Variants in SNRPN observed in about 807,000 individuals in gnomAD.
SNRPN encodes the protein small nuclear ribonucleoprotein polypeptide N, also known as small nuclear ribonucleoprotein-associated protein N.
A neutral mutation model predicts 25.2 loss-of-function variants in SNRPN; 7 were observed. The observed-to-expected ratio is 0.28, with a 90% CI of 0.16 to 0.52. SNRPN has a LOEUF of 0.52. Among genes scored for constraint, SNRPN ranks in the 20% least tolerant of loss-of-function variants. SNRPN has a pLI of 0.96. For synonymous variants in SNRPN, 124 were observed against 110.6 expected (o/e 1.12, Z -0.76); for missense variants, 196 against 322.5 (o/e 0.61, Z 3.00).
chr15:24,898,911 A>T (rs1267909889), intron 2 of SNRPN, among the ~76,000 whole-genome samples: 1 of 152,134 alleles, frequency 6.6e-6, no homozygotes, highest in African/African-American at 2.4e-5. Flanking sequence ...TTTATTGGTG[A>T]TCAAACAAAG....
At chr15:24,900,687 A>G (rs903054799) in intron 2 of SNRPN, among the ~76,000 whole-genome samples, 1 of 152,174 alleles carries the variant, frequency 6.6e-6, no homozygotes, top group African/African-American at 2.4e-5. Flanking sequence ...ACTGTGACAT[A>G]TATTGGAAGA....
intron 2 of SNRPN, among the ~76,000 whole-genome samples, chr15:24,901,849 T>C (rs898145462): frequency 6.6e-6 from 1 of 152,098 alleles, no homozygotes; most frequent in Non-Finnish European, 1.5e-5. Flanking sequence ...ACAAGTGTAA[T>C]GAGGCGAGAA....
chr15:24,924,701 C>G (rs141762514), intron 3 of SNRPN, among the ~76,000 whole-genome samples: 164 of 151,744 alleles, frequency 1.1e-3, no homozygotes, highest in African/African-American at 3.8e-3. Context: ...GTTGCCTAGG[C>G]TGGTCTCCAA....
chr15:24,972,734 G>A (rs1267490009), intron 3 of SNRPN, among the ~76,000 whole-genome samples: 1 of 151,962 alleles, frequency 6.6e-6, no homozygotes, highest in Non-Finnish European at 1.5e-5. Flanking sequence ...ATATTTAATA[G>A]CATTTTATAA....
intron 3 of SNRPN, among the ~76,000 whole-genome samples, chr15:24,921,921 G>A (rs745568136): frequency 6.6e-5 from 10 of 151,802 alleles, no homozygotes; most frequent in Non-Finnish European, 1.0e-4. Flanking sequence ...CATACAGACC[G>A]GGCACGGTGG....
At chr15:24,888,112 C>CTTTTTT (rs113183574) in intron 2 of SNRPN, among the ~76,000 whole-genome samples, 16,185 of 139,450 alleles carry the variant, frequency 0.12, 1,279 homozygotes, top group East Asian at 0.25. Flanking sequence ...TTAGAAATGA[C>CTTTTTT]TTTTTTTTTT....
At chr15:24,968,629 A>G (rs1157997814) in intron 3 of SNRPN, among the ~76,000 whole-genome samples, 2 of 152,200 alleles carry the variant, frequency 1.3e-5, no homozygotes, top group Non-Finnish European at 2.9e-5. Flanking sequence ...CATTATTTTA[A>G]TTCAAATATG....
chr15:24,864,547 T>C (rs1164430486), intron 1 of SNRPN, among the ~76,000 whole-genome samples: 1 of 151,946 alleles, frequency 6.6e-6, no homozygotes, highest in Non-Finnish European at 1.5e-5. Context: ...TTTCGCCATG[T>C]TGGTCAGGCT....
chr15:24,954,398 G>T (rs2062519162), upstream of SNRPN, among the ~76,000 whole-genome samples: 1 of 152,122 alleles, frequency 6.6e-6, no homozygotes, highest in South Asian at 2.1e-4. Context: ...TATCCATTCC[G>T]TATAGGAGAG....
At chr15:24,829,798 A>T (rs953854962) in exon 2 of SNRPN, 2 of 152,128 alleles carry the variant, frequency 1.3e-5, no homozygotes, top group African/African-American at 4.8e-5. Flanking sequence ...CATTTTGCAG[A>T]TGTAAGTGGG....
At chr15:24,826,047 G>GT (rs2050056767) in intron 1 of SNRPN, among the ~76,000 whole-genome samples, 1 of 151,998 alleles carries the variant, frequency 6.6e-6, no homozygotes, top group Non-Finnish European at 1.5e-5. Flanking sequence ...CAAGATGGCC[G>GT]TGTCATGTAA....
chr15:24,914,849 A>G (rs531849954), intron 2 of SNRPN, among the ~76,000 whole-genome samples: 2 of 152,254 alleles, frequency 1.3e-5, no homozygotes, highest in South Asian at 2.1e-4. Flanking sequence ...GGATTTTGCA[A>G]TGGAATAGAG....
intron 3 of SNRPN, 190 bp downstream of exon 3, chr15:24,968,272 G>A: frequency 1.0e-5 from 5 of 480,470 alleles, no homozygotes; most frequent in South Asian, 9.3e-5. Flanking sequence ...TCATGTTTCT[G>A]TATTCCAGTT....
chr15:24,973,996 TAGAG>T (rs565100720), intron 3 of SNRPN, among the ~76,000 whole-genome samples: 10 of 152,272 alleles, frequency 6.6e-5, no homozygotes, highest in South Asian at 4.1e-4. Context: ...AATTCTGAAC[TAGAG>T]AGAGAGACAC....
chr15:24,916,085 C>T (rs2059500029), intron 2 of SNRPN, among the ~76,000 whole-genome samples: 1 of 150,418 alleles, frequency 6.6e-6, no homozygotes, highest in Admixed American at 6.7e-5. Context: ...GATTCTCCTG[C>T]CTCAGCCTCC....
chr15:24,825,568 T>C (rs922913920), intron 1 of SNRPN, among the ~76,000 whole-genome samples: 1 of 152,022 alleles, frequency 6.6e-6, no homozygotes, highest in African/African-American at 2.4e-5. Context: ...AAATTGAAAA[T>C]ATCACCATAA....
At chr15:24,863,462 C>T (rs762390175) in intron 1 of SNRPN, among the ~76,000 whole-genome samples, 31 of 150,016 alleles carry the variant, frequency 2.1e-4, no homozygotes, top group Non-Finnish European at 4.0e-4. Flanking sequence ...CAGATTTGCA[C>T]GCATCTGTGT....
At chr15:24,867,288 T>C (rs115536147) in intron 1 of SNRPN, among the ~76,000 whole-genome samples, 2 of 152,174 alleles carry the variant, frequency 1.3e-5, no homozygotes, top group Non-Finnish European at 2.9e-5. Flanking sequence ...TTATCTTTAC[T>C]CTTTTTAATA....
At chr15:24,928,508 C>A (rs2060569787) in intron 3 of SNRPN, among the ~76,000 whole-genome samples, 1 of 151,890 alleles carries the variant, frequency 6.6e-6, no homozygotes, top group Admixed American at 6.6e-5. Flanking sequence ...AAGTTGACCT[C>A]ATAGAAGTAG....
Sources: gnomAD v4.1 joint callset for allele counts (sites outside exome capture counted in the v4.1 genomes callset) on GRCh38, gnomAD v4.1.1 for gene constraint, MANE v1.5 for transcripts, NCBI Gene and HGNC (gene_info 2026-07-23, HGNC 2026-07-21) for gene names.